The following PAMR1 variants were observed in gnomAD, a reference collection of about 807,000 sequenced individuals.
The protein encoded by PAMR1 is peptidase domain containing associated with muscle regeneration 1.
PAMR1 carries 88 observed loss-of-function variants against 81.8 expected under a neutral mutation model. The ratio of observed to expected loss-of-function variants is 1.08; its 90% confidence interval spans 0.91 to 1.28. PAMR1 has a LOEUF of 1.28. Among genes scored for constraint, PAMR1 ranks in the 50% most tolerant of loss-of-function variants. PAMR1 has a pLI of 0.00. For synonymous variants in PAMR1, 336 were observed against 345.3 expected (o/e 0.97, Z 0.30); for missense variants, 935 against 919.7 (o/e 1.02, Z -0.21).
intron 1 of PAMR1, among the ~76,000 whole-genome samples, chr11:35,499,732 G>A (rs986819458): frequency 2.0e-5 from 3 of 152,114 alleles, no homozygotes; most frequent in African/African-American, 4.8e-5. Context: ...ACTCCAATGA[G>A]CAAGCCCACC....
intron 1 of PAMR1, among the ~76,000 whole-genome samples, chr11:35,514,261 A>G (rs1392007036): frequency 6.6e-6 from 1 of 152,240 alleles, no homozygotes; most frequent in African/African-American, 2.4e-5. Flanking sequence ...CATTACCATT[A>G]TTCTCTGCAG....
In PAMR1 at chr11:35,432,752, A is replaced by G; in HGVS notation, c.1767T>C (p.Thr589=). The change falls in exon 11 of 11, where the codon ACT becomes ACC. Residue 589 remains threonine (T), a synonymous_variant. Transcript: ENST00000619888. ...ICLAASRDLS[T]SFQESHITVA... ...CAGTGATGTGGGACTCCTGGAAGGA[A>G]GTGCTGAGATCCCGACTGGCAGCGA... 6.2e-7 allele frequency: 1 copy of G among 1,614,014 alleles called. No individual in the cohort carries two copies. The highest frequency in any genetic ancestry group is 8.5e-7 in the Non-Finnish European group (1 of 1,180,038).
At chr11:35,439,311 A>C (rs1856113484) in intron 8 of PAMR1, among the ~76,000 whole-genome samples, 1 of 152,256 alleles carries the variant, frequency 6.6e-6, no homozygotes, top group African/African-American at 2.4e-5. Context: ...ACAAGTACAT[A>C]GTAATTTCAG....
At chr11:35,465,367 C>T (rs1213629547) in intron 6 of PAMR1, among the ~76,000 whole-genome samples, 2 of 152,096 alleles carry the variant, frequency 1.3e-5, no homozygotes, top group Non-Finnish European at 2.9e-5. Flanking sequence ...GTTTGGGGAA[C>T]CCCAGATGCT....
chr11:35,463,057 T>C (rs1321452944), intron 6 of PAMR1, among the ~76,000 whole-genome samples: 1 of 152,234 alleles, frequency 6.6e-6, no homozygotes, highest in Admixed American at 6.5e-5. Flanking sequence ...CTGTCCGTGA[T>C]GGGAGAGATG....
Position 35,432,240 on chromosome 11 carries a change from C to T in PAMR1, c.*116G>A. The T allele has an allele frequency of 1.0e-6, 1 of 970,186 alleles. No homozygotes were observed. Among genetic ancestry groups the T allele is most frequent in the South Asian group, 1.6e-5 (1 of 63,072 alleles). The allele number at this position is 970,186 out of a possible 1,614,324, so 60.1% of individuals were successfully genotyped here. A position where few individuals can be genotyped will look rare whatever the true frequency, so the allele number is the denominator to read the frequency against. On this transcript the variant is annotated 3_prime_UTR_variant, in exon 11 of 11. Coordinates refer to ENST00000619888, the MANE Select transcript of PAMR1 (RefSeq NM_001001991.3). ...GAGTTTTGTCCCTGAAGTCAGAAGC[C>T]CTGGCACAGCCAAGTTCACAGGCCA...
At chr11:35,498,945 G>A (rs1314525316) in intron 1 of PAMR1, among the ~76,000 whole-genome samples, 2 of 152,142 alleles carry the variant, frequency 1.3e-5, no homozygotes, top group Non-Finnish European at 2.9e-5. Flanking sequence ...GTTGAGAATC[G>A]TTTTCTGTTC....
chr11:35,521,309 A>T (rs964607530), intron 1 of PAMR1, among the ~76,000 whole-genome samples: 1 of 152,230 alleles, frequency 6.6e-6, no homozygotes, highest in Non-Finnish European at 1.5e-5. Flanking sequence ...ATTAGTCCTC[A>T]GCAGCTGAAC....
At chr11:35,466,074 T>C (rs10768138) in intron 6 of PAMR1, among the ~76,000 whole-genome samples, 93,254 of 141,120 alleles carry the variant, frequency 0.66, 29,274 homozygotes, top group Non-Finnish European at 0.69. Flanking sequence ...TCCAATTCTA[T>C]TTTTTTTTTT....
At chr11:35,488,622 A>C (rs114479534) in intron 3 of PAMR1, among the ~76,000 whole-genome samples, 1,898 of 149,062 alleles carry the variant, frequency 0.013, 47 homozygotes, top group African/African-American at 0.045. Flanking sequence ...ATTTAAAAGA[A>C]AGTTGTCTGT....
At chr11:35,441,924 T>C (rs529266744) in intron 6 of PAMR1, among the ~76,000 whole-genome samples, 3 of 152,334 alleles carry the variant, frequency 2.0e-5, no homozygotes, top group Non-Finnish European at 4.4e-5. Context: ...ATAAATAAAT[T>C]TGATGCCAAA....
chr11:35,510,093 C>T (rs190195245), intron 1 of PAMR1, among the ~76,000 whole-genome samples: 53 of 152,282 alleles, frequency 3.5e-4, no homozygotes, highest in Non-Finnish European at 7.1e-4. Flanking sequence ...CTAGCTCTTC[C>T]ATTGGATAAA....
At chr11:35,489,280 C>G (rs1287139357) in intron 3 of PAMR1, among the ~76,000 whole-genome samples, 1 of 152,152 alleles carries the variant, frequency 6.6e-6, no homozygotes, top group Non-Finnish European at 1.5e-5. Context: ...CAAACCTCTT[C>G]CCTTTTATTA....
At chr11:35,509,446 T>C (rs1173233914) in intron 1 of PAMR1, among the ~76,000 whole-genome samples, 1 of 152,218 alleles carries the variant, frequency 6.6e-6, no homozygotes, top group Non-Finnish European at 1.5e-5. Flanking sequence ...AAGGGCCAGT[T>C]CCAGAAACTA....
intron 6 of PAMR1, among the ~76,000 whole-genome samples, chr11:35,467,492 T>G (rs567119616): frequency 6.6e-6 from 1 of 152,340 alleles, no homozygotes; most frequent in Non-Finnish European, 1.5e-5. Flanking sequence ...CATGACCATA[T>G]AGTTTGTCAT....
At chr11:35,485,178 C>A (rs113791079) in intron 3 of PAMR1, among the ~76,000 whole-genome samples, 28 of 152,086 alleles carry the variant, frequency 1.8e-4, no homozygotes, top group African/African-American at 6.0e-4. Context: ...AAATGAGGTG[C>A]AGCCTGCTTA....
At chr11:35,456,565 T>C (rs1458867553) in intron 6 of PAMR1, among the ~76,000 whole-genome samples, 2 of 152,204 alleles carry the variant, frequency 1.3e-5, no homozygotes, top group South Asian at 4.1e-4. Flanking sequence ...GAACTGTTGA[T>C]GCAGAGATCA....
intron 3 of PAMR1, among the ~76,000 whole-genome samples, chr11:35,488,810 T>C (rs965353705): frequency 6.7e-6 from 1 of 149,420 alleles, no homozygotes; most frequent in Non-Finnish European, 1.5e-5. Context: ...TGGGCTCAAG[T>C]AATCCACTGC....
At chr11:35,483,854 C>G (rs1224803922) in intron 3 of PAMR1, among the ~76,000 whole-genome samples, 1 of 152,164 alleles carries the variant, frequency 6.6e-6, no homozygotes, top group Non-Finnish European at 1.5e-5. Flanking sequence ...CATGAATTCT[C>G]TGTGGTCAAA....
Sources: allele counts gnomAD v4.1 joint callset (sites outside exome capture counted in the v4.1 genomes callset), GRCh38; gene constraint gnomAD v4.1.1; transcripts MANE v1.5; gene names NCBI Gene and HGNC (gene_info 2026-07-23, HGNC 2026-07-21).